The following COPG1 variants were observed in gnomAD, a reference collection of about 807,000 sequenced individuals.
COPG1 encodes coatomer subunit gamma-1.
COPG1 carries 29 observed loss-of-function variants against 102.8 expected under a neutral mutation model. That is an observed-to-expected ratio of 0.28 (90% confidence interval 0.21 to 0.38). The LOEUF (loss-of-function observed/expected upper bound fraction) is 0.38, where lower values mean the gene tolerates loss of function less well. COPG1 is among the 10% of genes least tolerant of loss of function. The probability of loss-of-function intolerance (pLI) is 1.00; values close to 1 mark genes in which losing one functional copy is unlikely to be tolerated. For missense variants in COPG1, 875 were observed against 1,132.7 expected (o/e 0.77, Z 3.27); for synonymous variants, 406 against 421.6 (o/e 0.96, Z 0.45).
intron 10 of COPG1, among the ~76,000 whole-genome samples, chr3:129,260,075 A>G (rs1939893638): frequency 6.6e-6 from 1 of 152,192 alleles, no homozygotes; most frequent in Non-Finnish European, 1.5e-5. Flanking sequence ...TGTCCACTGT[A>G]TAGCACAGCA....
In COPG1 at chr3:129,274,807, G is replaced by C. The variant is rs373065576; in HGVS notation, c.2257-31G>C. ...AGCAGAGGCCCGTAGGTGTGTAGATGGGTGCCTGATTTCTACCTCCATCTC... is the reference window on the plus strand; with the variant it reads ...AGCAGAGGCCCGTAGGTGTGTAGATCGGTGCCTGATTTCTACCTCCATCTC... On this transcript the variant is annotated intron_variant, in intron 21 of 23. Coordinates refer to ENST00000314797, the MANE Select transcript of COPG1 (RefSeq NM_016128.4). 3.8e-6 allele frequency: 6 copies of C among 1,599,580 alleles called. No homozygotes were observed. In the African/African-American group the frequency reaches 5.4e-5, roughly 14 times the overall value.
rs1204257457 is a variant in COPG1, at chr3:129,251,125, G to A, written c.90+391G>A. 4.6e-5 allele frequency among the ~76,000 whole-genome samples: 7 copies of A among 150,710 alleles called. No homozygotes were observed. The East Asian group carries it at 5.9e-4, about 13-fold the overall frequency. On this transcript the variant is annotated intron_variant, in intron 2 of 23. Transcript: ENST00000314797. Reference sequence around the variant, plus strand: ...TTTTTAGTAGAGACGGGGTTTCACCGCGTTAGCCAGGACGGTCTTGATCTC... The same window carrying A: ...TTTTTAGTAGAGACGGGGTTTCACCACGTTAGCCAGGACGGTCTTGATCTC...
rs1480978084 is a variant in COPG1, at chr3:129,267,924, G to A, written c.1545-13G>A. On this transcript the variant is annotated splice_polypyrimidine_tract_variant and intron_variant, in intron 15 of 23. Transcript: ENST00000314797. ...TGGGTCCCAGTCAGGACCACCTTGT[G>A]TCCTGGCTGCAGGTGTGTGATGGAT... 4 of 1,612,250 alleles carry A rather than the reference G, an allele frequency of 2.5e-6. No individual in the cohort carries two copies.
chr3:129,262,914 G>A (rs895265898), intron 12 of COPG1, among the ~76,000 whole-genome samples: 1 of 151,770 alleles, frequency 6.6e-6, no homozygotes, highest in South Asian at 2.1e-4. Context: ...CAGCCACTCC[G>A]GAGGCTGAGG....
At chr3:129,273,539 C>T (rs1223915901) in intron 21 of COPG1, among the ~76,000 whole-genome samples, 1 of 152,176 alleles carries the variant, frequency 6.6e-6, no homozygotes, top group Non-Finnish European at 1.5e-5. Context: ...AGTATCATTA[C>T]AAATACTTCA....
In COPG1 at chr3:129,275,971, TACACACAC is replaced by T. The variant is rs59294610; in HGVS notation, c.2494+699_2494+706del. Reference sequence around the variant, plus strand: ...ACAGATGTTACAGTAAATAATCGTGTACACACACACACACACACACACACACAGTTTAC... The same window carrying T: ...ACAGATGTTACAGTAAATAATCGTGTACACACACACACACACACAGTTTAC... On this transcript the variant is annotated intron_variant, in intron 23 of 23. Coordinates refer to ENST00000314797, the MANE Select transcript of COPG1 (RefSeq NM_016128.4). This position sits in a 1 kb window ranked among gnomAD's most constrained non-coding sequence, Gnocchi z 5.0. Among the ~76,000 whole-genome samples, 1,493 of 149,390 alleles carry T rather than the reference TACACACAC, an allele frequency of 1.0e-2. 22 individuals carry two copies. The highest frequency in any genetic ancestry group is 0.034 in the African/African-American group (1,396 of 41,122).
At chr3:129,255,138 A>T in intron 7 of COPG1, 61 bp downstream of exon 7, 1 of 1,061,838 alleles carries the variant, frequency 9.4e-7, no homozygotes, top group Non-Finnish European at 1.4e-6. Flanking sequence ...AAAATTTAAG[A>T]GTCACATTCC....
chr3:129,277,194 C>A, intron 23 of COPG1, 100 bp from the exon 24 acceptor site: 2 of 1,262,796 alleles, frequency 1.6e-6, no homozygotes, highest in Non-Finnish European at 2.3e-6. Context: ...CGTTTCACTA[C>A]ACCAGAGCTG....
At chr3:129,272,716 G>A (rs1354911963) in intron 20 of COPG1, 91 bp from the exon 21 acceptor site, 2 of 764,232 alleles carry the variant, frequency 2.6e-6, no homozygotes, top group African/African-American at 3.4e-5. Flanking sequence ...TAGAAAGCAG[G>A]CTGTGACCCC....
intron 19 of COPG1, 161 bp from the exon 20 acceptor site, chr3:129,272,083 T>C: frequency 1.0e-6 from 1 of 970,292 alleles, no homozygotes; most frequent in Admixed American, 2.6e-5. Flanking sequence ...GGGACATCCA[T>C]GGCTCCCGAT....
chr3:129,253,618 A>G (rs1939742275), intron 5 of COPG1, among the ~76,000 whole-genome samples: 1 of 152,212 alleles, frequency 6.6e-6, no homozygotes, highest in African/African-American at 2.4e-5. Context: ...CCAGAAGAGC[A>G]TCCAGCTTGA....
rs539368225 is a variant in COPG1 at position 129,268,661 on chromosome 3, C to T, written c.1774+41C>T. 5.0e-6 allele frequency: 8 copies of T among 1,608,130 alleles called. No individual in the cohort carries two copies. In the South Asian group the frequency reaches 8.8e-5, roughly 18 times the overall value. On this transcript the variant is annotated intron_variant, in intron 17 of 23. Coordinates refer to ENST00000314797, the MANE Select transcript of COPG1 (RefSeq NM_016128.4). ...CTCCCAGAGGCCATCAAGGCCAGGC[C>T]TCTGTTGGAGGGTCTGCATTGGCTG...
intron 17 of COPG1, 27 bp from the exon 18 acceptor site, chr3:129,268,905 C>T: frequency 2.5e-6 from 4 of 1,603,994 alleles, no homozygotes; most frequent in South Asian, 2.2e-5. Flanking sequence ...AGCTGTTGGT[C>T]ATCACGTGTA....
In COPG1 at chr3:129,277,489, T is replaced by C; in HGVS notation, c.*65T>C. 6.5e-7 allele frequency: 1 copy of C among 1,541,674 alleles called. No homozygotes were observed. The highest frequency in any genetic ancestry group is 8.9e-7 in the Non-Finnish European group (1 of 1,126,388). On this transcript the variant is annotated 3_prime_UTR_variant, in exon 24 of 24. Coordinates refer to ENST00000314797, the MANE Select transcript of COPG1 (RefSeq NM_016128.4). ...CTACCTGGAAGTTGTGCCTTCCTCA[T>C]GAAACTGGCAGAAACCCCTTCCCAA... is the stretch of plus-strand genomic sequence containing the variant.
Position 129,277,601 on chromosome 3 carries a change from CTT to C in COPG1, c.*195_*196del, listed in dbSNP as rs35073725. On this transcript the variant is annotated 3_prime_UTR_variant, in exon 24 of 24. Coordinates refer to ENST00000314797, the MANE Select transcript of COPG1 (RefSeq NM_016128.4). ...CCCACCCGGGACTACTTGCTGGTGA[CTT>C]TTTTTTTTTTTTTTTTTAAATAGGG... The C allele has an allele frequency of 0.023, 6,904 of 298,700 alleles. No individual in the cohort carries two copies. The highest frequency in any genetic ancestry group is 0.043 in the Middle Eastern group (41 of 950). The allele number at this position is 298,700 out of a possible 1,614,324, so 18.5% of individuals were successfully genotyped here.
chr3:129,257,493 C>T lies in COPG1; in HGVS notation c.603C>T (p.Tyr201=). ...AGTACCACGCACTAGGGCTCCTGTACCATGTGCGTAAGAATGACCGCCTAG... is the reference window on the plus strand; with the variant it reads ...AGTACCACGCACTAGGGCTCCTGTATCATGTGCGTAAGAATGACCGCCTAG... ...MVQYHALGLL[Y]HVRKNDRLAV... Residue 201 remains tyrosine (Y), a synonymous_variant, in exon 9 of 24, where the codon TAC becomes TAT. Transcript: ENST00000314797. The T allele has an allele frequency of 6.2e-7, 1 of 1,614,200 alleles. No individual in the cohort carries two copies. Among genetic ancestry groups the T allele is most frequent in the South Asian group, 1.1e-5 (1 of 91,088 alleles).
chr3:129,262,038 G>A (rs1576964851), intron 12 of COPG1, among the ~76,000 whole-genome samples: 1 of 152,156 alleles, frequency 6.6e-6, no homozygotes, highest in East Asian at 1.9e-4. Context: ...TGTGGATTAT[G>A]CAAAGTAGGC....
chr3:129,268,772 G>A, intron 17 of COPG1, 152 bp downstream of exon 17: 1 of 1,141,488 alleles, frequency 8.8e-7, no homozygotes, highest in Non-Finnish European at 1.3e-6. Flanking sequence ...AGAAAATAGA[G>A]ACACACATAC....
At position 129,256,624 on chromosome 3, in the gene COPG1, C is replaced by T. The variant is rs1463904761; in HGVS notation, c.579+470C>T. 3.9e-5 allele frequency among the ~76,000 whole-genome samples: 6 copies of T among 152,330 alleles called. No individual in the cohort carries two copies. The East Asian group carries it at 1.2e-3, about 29-fold the overall frequency. On this transcript the variant is annotated intron_variant, in intron 8 of 23. Transcript: ENST00000314797. Reference sequence around the variant, plus strand: ...GTCTGTAAAATACGAATGAAGGTTACTGCCTCACAAAGCAGCAAGGACGAG... The same window carrying T: ...GTCTGTAAAATACGAATGAAGGTTATTGCCTCACAAAGCAGCAAGGACGAG...
Sources: allele counts gnomAD v4.1 joint callset (sites outside exome capture counted in the v4.1 genomes callset), GRCh38; gene constraint gnomAD v4.1.1; non-coding constraint Gnocchi (gnomAD v3.1); transcripts MANE v1.5; gene names NCBI Gene and HGNC (gene_info 2026-07-23, HGNC 2026-07-21).